Variants in ROBO2 observed in about 807,000 individuals in gnomAD.
ROBO2 encodes the protein roundabout homolog 2.
Under a neutral mutation model 160.8 loss-of-function variants are expected in ROBO2, and 53 were observed. The observed-to-expected ratio is 0.33, with a 90% CI of 0.26 to 0.41. The LOEUF (loss-of-function observed/expected upper bound fraction) is 0.41. Among genes scored for constraint, ROBO2 ranks in the 10% least tolerant of loss-of-function variants. The pLI is 1.00. For missense variants in ROBO2, 1,577 were observed against 1,722.4 expected (o/e 0.92, Z 1.49); for synonymous variants, 664 against 611.7 (o/e 1.09, Z -1.26).
At chr3:76,882,452 G>T (rs930742451) in intron 2 of ROBO2, among the ~76,000 whole-genome samples, 1 of 151,760 alleles carries the variant, frequency 6.6e-6, no homozygotes, top group East Asian at 1.9e-4. Flanking sequence ...TCAGGACTCG[G>T]TCACTCCCCC....
intron 1 of ROBO2, among the ~76,000 whole-genome samples, chr3:77,050,587 T>G (rs1482711589): frequency 9.2e-5 from 14 of 152,028 alleles, no homozygotes; most frequent in African/African-American, 2.7e-4. Context: ...TTTTGTTGTT[T>G]TTTGGTTTTT....
chr3:76,538,032 C>G (rs1024523034), intron 2 of ROBO2, among the ~76,000 whole-genome samples: 1 of 151,914 alleles, frequency 6.6e-6, no homozygotes, highest in Admixed American at 6.6e-5. Flanking sequence ...TGGGGTTTCA[C>G]TTCTTCTGTG....
chr3:77,343,084 G>GAGAGAGAA lies in ROBO2; in HGVS notation c.389-134327_389-134326insGAGAAAGA, dbSNP rs35897096. 3.1e-3 allele frequency among the ~76,000 whole-genome samples: 453 copies of GAGAGAGAA among 146,184 alleles called. 4 individuals carry two copies. Among genetic ancestry groups the GAGAGAGAA allele is most frequent in the South Asian group, 8.4e-3 (40 of 4,736 alleles). ...AGAGAGAGAGAGAGAGAGAGAGAGA[G>GAGAGAGAA]AGAACTTTCTTATAAGACCACAATC... On this transcript the variant is annotated intron_variant, in intron 2 of 25. Transcript: ENST00000461745.
chr3:75,921,515 G>C (rs1947051377), intron 1 of ROBO2, among the ~76,000 whole-genome samples: 1 of 151,876 alleles, frequency 6.6e-6, no homozygotes, highest in Non-Finnish European at 1.5e-5. Context: ...TATTGTTATT[G>C]TTCTATTTTT....
intron 2 of ROBO2, among the ~76,000 whole-genome samples, chr3:77,034,419 A>G (rs1034408095): frequency 7.3e-5 from 11 of 151,560 alleles, no homozygotes; most frequent in African/African-American, 2.7e-4. Context: ...GGTACTCCAC[A>G]AGTAGTCAGA....
At chr3:76,023,369 T>C (rs2066632944) in intron 2 of ROBO2, among the ~76,000 whole-genome samples, 2 of 151,720 alleles carry the variant, frequency 1.3e-5, no homozygotes, top group African/African-American at 4.8e-5. Flanking sequence ...AGTTTAATCA[T>C]TTCCAGCTTT....
intron 2 of ROBO2, among the ~76,000 whole-genome samples, chr3:76,632,786 C>T (rs902526905): frequency 3.4e-4 from 52 of 152,242 alleles, no homozygotes; most frequent in African/African-American, 1.3e-3. Context: ...ATTGGGATGT[C>T]TAATTTTTTG....
At chr3:76,736,821 TCAC>T (rs1228263588) in intron 2 of ROBO2, among the ~76,000 whole-genome samples, 1 of 152,222 alleles carries the variant, frequency 6.6e-6, no homozygotes, top group African/African-American at 2.4e-5. Context: ...CATAAAATCA[TCAC>T]TACTTACTAA....
At chr3:77,421,268 T>G (rs2077689968) in intron 2 of ROBO2, among the ~76,000 whole-genome samples, 1 of 152,196 alleles carries the variant, frequency 6.6e-6, no homozygotes, top group Non-Finnish European at 1.5e-5. Context: ...AAATGTTATT[T>G]TGAGATACTT....
chr3:76,374,797 T>C (rs566374768), intron 2 of ROBO2, among the ~76,000 whole-genome samples: 126 of 152,034 alleles, frequency 8.3e-4, no homozygotes, highest in Non-Finnish European at 1.4e-3. Flanking sequence ...TTTAGTTTTA[T>C]TTTATGTCTT....
At chr3:76,961,367 T>A (rs1354746140) in intron 2 of ROBO2, among the ~76,000 whole-genome samples, 1 of 152,148 alleles carries the variant, frequency 6.6e-6, no homozygotes, top group Non-Finnish European at 1.5e-5. Flanking sequence ...ATTTTCATTT[T>A]TTTTTCAGAG....
chr3:76,649,461 G>C (rs1297350890), intron 2 of ROBO2, among the ~76,000 whole-genome samples: 1 of 151,678 alleles, frequency 6.6e-6, no homozygotes, highest in Admixed American at 6.6e-5. Context: ...GGTTTTTTTA[G>C]AGAATCTGAG....
At chr3:76,388,712 A>G (rs1433260243) in intron 2 of ROBO2, among the ~76,000 whole-genome samples, 1 of 152,108 alleles carries the variant, frequency 6.6e-6, no homozygotes, top group Non-Finnish European at 1.5e-5. Flanking sequence ...CAAGAAAATT[A>G]ATGTTAATTG....
chr3:77,038,405 C>T (rs937505159), upstream of ROBO2, among the ~76,000 whole-genome samples: 2 of 152,126 alleles, frequency 1.3e-5, no homozygotes, highest in African/African-American at 4.8e-5. Context: ...GTCCTAATGT[C>T]TCTTCTAATT....
intron 1 of ROBO2, among the ~76,000 whole-genome samples, chr3:75,914,855 C>T (rs1022950833): frequency 2.6e-5 from 4 of 152,324 alleles, no homozygotes; most frequent in African/African-American, 9.6e-5. Context: ...AGAGCAAGCA[C>T]TTCCACCGAG....
intron 2 of ROBO2, among the ~76,000 whole-genome samples, chr3:77,461,813 C>T (rs2082274105): frequency 2.6e-5 from 4 of 151,494 alleles, no homozygotes; most frequent in Non-Finnish European, 5.9e-5. Flanking sequence ...CTGCAATCCT[C>T]TCCTCCTGGG....
intron 2 of ROBO2, among the ~76,000 whole-genome samples, chr3:77,365,523 C>G (rs1469076679): frequency 6.6e-6 from 1 of 152,102 alleles, no homozygotes; most frequent in South Asian, 2.1e-4. Context: ...CGATAGTATA[C>G]CCTTGTCTAA....
intron 2 of ROBO2, among the ~76,000 whole-genome samples, chr3:76,717,901 A>T (rs1456357159): frequency 6.6e-6 from 1 of 151,916 alleles, no homozygotes; most frequent in Non-Finnish European, 1.5e-5. Flanking sequence ...GAAACTCATT[A>T]GATATTATTT....
chr3:77,156,659 A>C (rs1321499933), intron 2 of ROBO2, among the ~76,000 whole-genome samples: 2 of 151,710 alleles, frequency 1.3e-5, no homozygotes, highest in African/African-American at 4.8e-5. Flanking sequence ...TACTTTAGTA[A>C]AATAGTAAAT....
Sources: gnomAD v4.1 joint callset for allele counts (sites outside exome capture counted in the v4.1 genomes callset) on GRCh38, gnomAD v4.1.1 for gene constraint, MANE v1.5 for transcripts, NCBI Gene and HGNC (gene_info 2026-07-23, HGNC 2026-07-21) for gene names.